Variants in PLCH1 observed in about 807,000 individuals in gnomAD.
PLCH1 encodes the protein 1-phosphatidylinositol 4,5-bisphosphate phosphodiesterase eta-1.
A neutral mutation model predicts 126.7 loss-of-function variants in PLCH1; 60 were observed. The ratio of observed to expected loss-of-function variants is 0.47; its 90% CI spans 0.38 to 0.59. The LOEUF is 0.59. Among genes scored for constraint, PLCH1 ranks in the 20% least tolerant of loss-of-function variants. The pLI is 0.00. For synonymous variants in PLCH1, 719 were observed against 734.9 expected (o/e 0.98, Z 0.35); for missense variants, 1,723 against 2,040.0 (o/e 0.84, Z 2.99).
intron 2 of PLCH1, among the ~76,000 whole-genome samples, chr3:155,686,970 T>C (rs1393691814): frequency 1.3e-5 from 2 of 152,228 alleles, no homozygotes; most frequent in Non-Finnish European, 2.9e-5. Context: ...CCCTTGTTTA[T>C]TAACTTAAAA....
At chr3:155,492,001 G>A (rs547132291) in intron 18 of PLCH1, among the ~76,000 whole-genome samples, 1 of 152,182 alleles carries the variant, frequency 6.6e-6, no homozygotes, top group Non-Finnish European at 1.5e-5. Flanking sequence ...GCTGACCTAA[G>A]AAAGTCTAAA....
At chr3:155,459,762 G>T (rs1441021949) in intron 21 of PLCH1, among the ~76,000 whole-genome samples, 74 of 152,270 alleles carry the variant, frequency 4.9e-4, no homozygotes, top group Admixed American at 4.8e-3. Context: ...GAGCCCAGGT[G>T]GATGTAATGA....
At chr3:155,475,720 T>G (rs1713517536), downstream of PLCH1, among the ~76,000 whole-genome samples, 1 of 151,900 alleles carries the variant, frequency 6.6e-6, no homozygotes, top group Admixed American at 6.6e-5. Context: ...TAGAAGAAAT[T>G]GACAAATTTC....
intron 2 of PLCH1, among the ~76,000 whole-genome samples, chr3:155,686,634 C>A (rs1388779120): frequency 1.3e-5 from 2 of 152,188 alleles, no homozygotes; most frequent in Non-Finnish European, 2.9e-5. Flanking sequence ...ATCACTGAAC[C>A]TTTCCCAGCC....
At chr3:155,494,053 C>A in intron 17 of PLCH1, 88 bp downstream of exon 17, 2 of 1,047,138 alleles carry the variant, frequency 1.9e-6, no homozygotes, top group African/African-American at 1.6e-5. Flanking sequence ...ATCACACTTT[C>A]TAAACAGCTT....
At chr3:155,689,810 A>C (rs1745235907) in intron 2 of PLCH1, among the ~76,000 whole-genome samples, 1 of 152,124 alleles carries the variant, frequency 6.6e-6, no homozygotes, top group Admixed American at 6.5e-5. Context: ...GGCAAATCTA[A>C]AAGTTATTGG....
At chr3:155,636,315 T>C (rs1738712505) in intron 2 of PLCH1, among the ~76,000 whole-genome samples, 1 of 152,172 alleles carries the variant, frequency 6.6e-6, no homozygotes, top group Admixed American at 6.5e-5. Flanking sequence ...TTTGTTGTTG[T>C]TGCTGTTGTT....
intron 6 of PLCH1, among the ~76,000 whole-genome samples, chr3:155,577,303 A>G (rs902225348): frequency 6.6e-6 from 1 of 152,164 alleles, no homozygotes; most frequent in African/African-American, 2.4e-5. Flanking sequence ...AATTACTAAT[A>G]AAGGGTGAAC....
intron 21 of PLCH1, chr3:155,487,244 A>T (rs1576801601): frequency 6.6e-6 from 1 of 152,230 alleles, no homozygotes; most frequent in East Asian, 1.9e-4. Context: ...ATATTTATTT[A>T]TGAGATAGGT....
At chr3:155,715,938 T>C (rs1747473459) in intron 1 of PLCH1, among the ~76,000 whole-genome samples, 1 of 152,206 alleles carries the variant, frequency 6.6e-6, no homozygotes, top group Non-Finnish European at 1.5e-5. Context: ...TTTTGCATCT[T>C]TTTCTAACCT....
chr3:155,571,077 T>C (rs1210384623), intron 6 of PLCH1, among the ~76,000 whole-genome samples: 1 of 152,162 alleles, frequency 6.6e-6, no homozygotes, highest in Non-Finnish European at 1.5e-5. Context: ...ACCCATATTC[T>C]GACACTACCT....
In PLCH1 at chr3:155,656,096, T is replaced by C. The variant is rs544158324; in HGVS notation, c.79+48050A>G. ...AAAGGGATAATTTCCTAAAAAGATA[T>C]ACTTTCCTCCTACTTCACCCCAAAA... On this transcript the variant is annotated intron_variant, in intron 2 of 22. Transcript: ENST00000460012. Among the ~76,000 whole-genome samples the C allele has an allele frequency of 6.6e-5, 10 of 152,186 alleles. No homozygotes were observed. In the South Asian group the frequency reaches 1.7e-3, roughly 25 times the overall value.
At chr3:155,494,779 C>T (rs536193312) in intron 15 of PLCH1, among the ~76,000 whole-genome samples, 2 of 152,070 alleles carry the variant, frequency 1.3e-5, no homozygotes, top group African/African-American at 4.8e-5. Context: ...CCCTGTTCTC[C>T]CTAAGAATTC....
intron 1 of PLCH1, among the ~76,000 whole-genome samples, chr3:155,718,968 A>G (rs1361034807): frequency 2.6e-5 from 4 of 152,172 alleles, no homozygotes; most frequent in African/African-American, 9.7e-5. Context: ...TTTCATGACT[A>G]TATATTTCAA....
chr3:155,612,698 G>T (rs1353684419), intron 2 of PLCH1, among the ~76,000 whole-genome samples: 1 of 151,958 alleles, frequency 6.6e-6, no homozygotes, highest in Non-Finnish European at 1.5e-5. Context: ...ATCACCTGAG[G>T]TTGGGAGTTC....
chr3:155,667,105 T>A (rs1252476455), intron 2 of PLCH1, among the ~76,000 whole-genome samples: 3 of 152,172 alleles, frequency 2.0e-5, no homozygotes, highest in Admixed American at 6.5e-5. Flanking sequence ...ATTTTTTAAA[T>A]GAAAATGCCC....
rs184339985 is a variant in PLCH1 at position 155,587,317 on chromosome 3, T to C, written c.471-1123A>G. 1.6e-4 allele frequency among the ~76,000 whole-genome samples: 25 copies of C among 152,338 alleles called. No individual in the cohort carries two copies. The East Asian group carries it at 4.6e-3, about 28-fold the overall frequency. On this transcript the variant is annotated intron_variant, in intron 4 of 22. Coordinates refer to ENST00000460012, the MANE Select transcript of PLCH1 (RefSeq NM_014996.4). ...ACAATACCCCATGGTACATGATCTT[T>C]TCAATTCTCTTTTCTCTGTCCCACT...
intron 21 of PLCH1, among the ~76,000 whole-genome samples, chr3:155,474,263 G>A (rs1374383419): frequency 6.5e-4 from 95 of 146,362 alleles, no homozygotes; most frequent in Middle Eastern, 3.5e-3. Context: ...AAAAGTGGGC[G>A]AAGGACATGA....
chr3:155,557,698 T>G (rs1727010481), intron 8 of PLCH1, among the ~76,000 whole-genome samples: 1 of 152,158 alleles, frequency 6.6e-6, no homozygotes, highest in Non-Finnish European at 1.5e-5. Context: ...CCAATTCCCC[T>G]GCTCATAAAA....
Sources: allele counts gnomAD v4.1 joint callset (sites outside exome capture counted in the v4.1 genomes callset), GRCh38; gene constraint gnomAD v4.1.1; transcripts MANE v1.5; gene names NCBI Gene and HGNC (gene_info 2026-07-23, HGNC 2026-07-21).